The following GABRB1 variants were observed in gnomAD, a reference collection of about 807,000 sequenced individuals.
GABRB1 encodes the protein gamma-aminobutyric acid receptor subunit beta-1.
Under a neutral mutation model 51.6 loss-of-function variants are expected in GABRB1, and 17 were observed. The ratio of observed to expected loss-of-function variants is 0.33; its 90% CI spans 0.23 to 0.49. The LOEUF is 0.49. Among genes scored for constraint, GABRB1 ranks in the 20% least tolerant of loss-of-function variants. The probability of loss-of-function intolerance (pLI) is 0.99; values close to 1 mark genes in which losing one functional copy is unlikely to be tolerated. For synonymous variants in GABRB1, 247 were observed against 218.9 expected (o/e 1.13, Z -1.14); for missense variants, 410 against 600.6 (o/e 0.68, Z 3.32).
chr4:47,183,512 C>A (rs1719046147), intron 4 of GABRB1, among the ~76,000 whole-genome samples: 1 of 151,576 alleles, frequency 6.6e-6, no homozygotes, highest in African/African-American at 2.4e-5. Context: ...GTCTTCTGGA[C>A]CTGTGACCTG....
At chr4:47,333,069 T>C (rs529759938) in intron 5 of GABRB1, among the ~76,000 whole-genome samples, 6 of 147,700 alleles carry the variant, frequency 4.1e-5, no homozygotes, top group African/African-American at 1.5e-4. Flanking sequence ...AATCTATTTT[T>C]AAAATTCATA....
At chr4:47,356,852 G>C (rs1726599525) in intron 5 of GABRB1, among the ~76,000 whole-genome samples, 1 of 152,050 alleles carries the variant, frequency 6.6e-6, no homozygotes, top group Admixed American at 6.6e-5. Flanking sequence ...TGATATTTTT[G>C]ATGCCCCTGA....
At chr4:47,161,118 C>T in intron 3 of GABRB1, 131 bp from the exon 4 acceptor site, 1 of 641,754 alleles carries the variant, frequency 1.6e-6, no homozygotes, top group Non-Finnish European at 2.6e-6. Context: ...CTATTGGTTA[C>T]CTTATACCTC....
chr4:47,009,288 T>C (rs1349364104), intron 1 of GABRB1, among the ~76,000 whole-genome samples: 1 of 151,390 alleles, frequency 6.6e-6, no homozygotes, highest in Non-Finnish European at 1.5e-5. Flanking sequence ...TAAATATATG[T>C]TTTTGTATCA....
intron 2 of GABRB1, 123 bp downstream of exon 2, chr4:47,032,128 GCACACA>G (rs72109821): frequency 1.5e-4 from 90 of 583,524 alleles, no homozygotes; most frequent in East Asian, 1.3e-3. Context: ...TATACCCTGG[GCACACA>G]CACACACACA....
chr4:47,408,753 G>A (rs1728660375), intron 8 of GABRB1, among the ~76,000 whole-genome samples: 2 of 152,156 alleles, frequency 1.3e-5, no homozygotes, highest in Non-Finnish European at 2.9e-5. Context: ...TACTTTGGGA[G>A]GCCACCTCTT....
intron 4 of GABRB1, among the ~76,000 whole-genome samples, chr4:47,309,981 A>C (rs1724608936): frequency 1.3e-5 from 2 of 152,164 alleles, no homozygotes; most frequent in Admixed American, 1.3e-4. Flanking sequence ...ACATGCATAT[A>C]ATAACTCTCT....
At chr4:47,299,293 T>G (rs1400819476) in intron 4 of GABRB1, among the ~76,000 whole-genome samples, 1 of 151,710 alleles carries the variant, frequency 6.6e-6, no homozygotes, top group Non-Finnish European at 1.5e-5. Context: ...ACCATCAGAG[T>G]GAACAGGCAA....
chr4:47,182,234 G>T (rs1183760956), intron 4 of GABRB1, among the ~76,000 whole-genome samples: 1 of 151,970 alleles, frequency 6.6e-6, no homozygotes, highest in African/African-American at 2.4e-5. Flanking sequence ...AAATTTCTGG[G>T]TATTTTGGGG....
At chr4:47,250,565 C>T (rs553868770) in intron 4 of GABRB1, among the ~76,000 whole-genome samples, 1 of 152,114 alleles carries the variant, frequency 6.6e-6, no homozygotes, top group Admixed American at 6.5e-5. Context: ...TTTTAGAATT[C>T]TCTTCTTCCT....
chr4:47,210,912 G>A (rs1720327971), intron 4 of GABRB1, among the ~76,000 whole-genome samples: 1 of 152,154 alleles, frequency 6.6e-6, no homozygotes, highest in Non-Finnish European at 1.5e-5. Flanking sequence ...TGACTTCTGG[G>A]AGGAGGTGAC....
chr4:47,415,829 A>G (rs1728900161), intron 8 of GABRB1, among the ~76,000 whole-genome samples: 1 of 152,130 alleles, frequency 6.6e-6, no homozygotes, highest in African/African-American at 2.4e-5. Flanking sequence ...ATTCAGATAC[A>G]CCTCAATGTC....
At chr4:47,096,891 C>T (rs1714466130) in intron 3 of GABRB1, among the ~76,000 whole-genome samples, 1 of 152,150 alleles carries the variant, frequency 6.6e-6, no homozygotes, top group African/African-American at 2.4e-5. Flanking sequence ...CACAGCCCTG[C>T]ACGGGCCTTG....
At chr4:47,299,838 C>T (rs1315267197) in intron 4 of GABRB1, among the ~76,000 whole-genome samples, 2 of 151,900 alleles carry the variant, frequency 1.3e-5, no homozygotes, top group African/African-American at 4.8e-5. Flanking sequence ...TTGGAACCAA[C>T]CCAAATGTCC....
At chr4:47,122,766 A>C (rs901396691) in intron 3 of GABRB1, among the ~76,000 whole-genome samples, 16 of 152,190 alleles carry the variant, frequency 1.1e-4, no homozygotes, top group Non-Finnish European at 8.8e-5. Context: ...AGCCTTGCTG[A>C]AGTGAGGCTC....
At chr4:47,400,412 T>A (rs1728335320) in intron 5 of GABRB1, among the ~76,000 whole-genome samples, 1 of 152,192 alleles carries the variant, frequency 6.6e-6, no homozygotes, top group Non-Finnish European at 1.5e-5. Context: ...TGCATTGTTA[T>A]TTTTTCTTGC....
rs1236159755 is a variant in GABRB1 at position 47,032,399 on chromosome 4, G to T, written c.173-18G>T. On this transcript the variant is annotated intron_variant, in intron 2 of 8. Transcript: ENST00000295454. ...CACTGAGAGAATCTGTTCCTAATGT[G>T]GCCCACCTCCCCGGCAGGGCCCCCC... The T allele has an allele frequency of 6.4e-7, 1 of 1,571,244 alleles. No homozygotes were observed. The highest frequency in any genetic ancestry group is 8.7e-7 in the Non-Finnish European group (1 of 1,155,538).
chr4:47,182,262 T>C (rs1042746060), intron 4 of GABRB1, among the ~76,000 whole-genome samples: 1 of 151,986 alleles, frequency 6.6e-6, no homozygotes, highest in Non-Finnish European at 1.5e-5. Context: ...AAACCTGGTA[T>C]ACTATTGATT....
intron 4 of GABRB1, among the ~76,000 whole-genome samples, chr4:47,207,423 G>A (rs142920770): frequency 3.3e-5 from 5 of 152,000 alleles, no homozygotes; most frequent in African/African-American, 9.6e-5. Flanking sequence ...TTTTACACCA[G>A]TCAGAAAAAG....
Sources: allele counts gnomAD v4.1 joint callset (sites outside exome capture counted in the v4.1 genomes callset), GRCh38; gene constraint gnomAD v4.1.1; transcripts MANE v1.5; gene names NCBI Gene and HGNC (gene_info 2026-07-23, HGNC 2026-07-21).